RUNX1: variants seen among roughly 807,000 people sequenced by gnomAD.
RUNX1 encodes RUNX family transcription factor 1, also known as runt-related transcription factor 1.
A neutral mutation model predicts 42.8 loss-of-function variants in RUNX1; 19 were observed. That is an observed-to-expected ratio of 0.44 (90% CI 0.31 to 0.65). RUNX1 has a LOEUF of 0.65. Ranked by LOEUF, RUNX1 falls within the 30% of genes least tolerant of loss-of-function variation. The pLI, the probability that RUNX1 is intolerant of heterozygous loss-of-function variation, is 0.07. For missense variants in RUNX1, 528 were observed against 672.0 expected, an observed-to-expected ratio of 0.79 and a Z score of 2.37; for synonymous variants, 271 against 289.4, an observed-to-expected ratio of 0.94 and a Z score of 0.64.
rs764387069 is a variant in RUNX1, at chr21:34,886,894, G to C, written c.300C>G (p.Ser100=). The part of the protein sequence containing the change: ...VRTDSPNFLC[S]VLPTHWRCNK... Reference sequence around the variant, plus strand: ...TGCAGCGCCAGTGCGTAGGCAGCACGGAGCAGAGGAAGTTGGGGCTGTCGG... The same window carrying C: ...TGCAGCGCCAGTGCGTAGGCAGCACCGAGCAGAGGAAGTTGGGGCTGTCGG... The change falls in exon 4 of 9, where the codon TCC becomes TCG. Residue 100 remains serine, a synonymous_variant. Transcript: ENST00000675419. 3 of 1,613,556 alleles carry C rather than the reference G, an allele frequency of 1.9e-6. No homozygotes were observed. The highest frequency in any genetic ancestry group is 1.1e-5 in the South Asian group (1 of 91,080).
At chr21:34,813,498 G>A (rs1418492409) in intron 7 of RUNX1, among the ~76,000 whole-genome samples, 9 of 152,116 alleles carry the variant, frequency 5.9e-5, no homozygotes, top group Admixed American at 2.0e-4. Flanking sequence ...AGAATCCTGG[G>A]TGGCTGCAGT....
intron 2 of RUNX1, among the ~76,000 whole-genome samples, chr21:35,039,762 C>T (rs1170979460): frequency 6.6e-6 from 1 of 152,316 alleles, no homozygotes; most frequent in East Asian, 1.9e-4. Context: ...GTCGGCACTT[C>T]TACTTCTTTA....
intron 6 of RUNX1, among the ~76,000 whole-genome samples, chr21:34,855,166 C>T (rs1430500409): frequency 6.6e-6 from 1 of 152,100 alleles, no homozygotes; most frequent in Non-Finnish European, 1.5e-5. Flanking sequence ...TCCATACCAC[C>T]AGGACCAGCC....
At chr21:34,880,443 A>C (rs560354796) in intron 5 of RUNX1, 114 bp downstream of exon 5, 1 of 947,876 alleles carries the variant, frequency 1.1e-6, no homozygotes, top group Non-Finnish European at 1.7e-6. Context: ...AGCAATAAGA[A>C]TGTTAAGACA....
At chr21:34,860,720 A>G (rs931059025) in intron 5 of RUNX1, among the ~76,000 whole-genome samples, 5 of 152,234 alleles carry the variant, frequency 3.3e-5, no homozygotes, top group African/African-American at 1.2e-4. Flanking sequence ...GACAGATGAA[A>G]GGAAAATATT....
intron 2 of RUNX1, among the ~76,000 whole-genome samples, chr21:34,927,484 G>T (rs1234655075): frequency 6.6e-6 from 1 of 152,206 alleles, no homozygotes; most frequent in Non-Finnish European, 1.5e-5. Context: ...AGTGCCCTGG[G>T]TCAAAAACGG....
In RUNX1 at chr21:34,919,685, ATAG is replaced by A. The variant is rs1319209761; in HGVS notation, c.59-26725_59-26723del. On this transcript the variant is annotated intron_variant, in intron 2 of 8. Coordinates refer to ENST00000675419, the MANE Select transcript of RUNX1 (RefSeq NM_001754.5). Reference sequence around the variant, plus strand: ...TCTTCTTCGATTGAGTGGTCTCCTTATAGAATTGAAACAAAATTAGATTCAGGA... The same window carrying A: ...TCTTCTTCGATTGAGTGGTCTCCTTAAATTGAAACAAAATTAGATTCAGGA... Among the ~76,000 whole-genome samples the A allele has an allele frequency of 2.0e-5, 3 of 152,244 alleles. No homozygotes were observed. The East Asian group carries it at 5.8e-4, about 29-fold the overall frequency.
Position 34,918,586 on chromosome 21 carries a change from T to C in RUNX1, c.59-25623A>G, listed in dbSNP as rs372419219. On this transcript the variant is annotated intron_variant, in intron 2 of 8. Coordinates refer to ENST00000675419, the MANE Select transcript of RUNX1 (RefSeq NM_001754.5). ...GAAATCCTGAGGCCTATACTGTAAA[T>C]CTTTCACAAATTTAAAAAAGTACAT... 2.0e-5 allele frequency among the ~76,000 whole-genome samples: 3 copies of C among 152,198 alleles called. No individual in the cohort carries two copies. In the East Asian group the frequency reaches 5.8e-4, roughly 29 times the overall value.
At position 34,869,473 on chromosome 21, in the gene RUNX1, T is replaced by C. The variant is rs896019942; in HGVS notation, c.509-9895A>G. Among the ~76,000 whole-genome samples, 5 of 152,154 alleles carry C rather than the reference T, an allele frequency of 3.3e-5. No individual in the cohort carries two copies. The South Asian group carries it at 1.0e-3, about 32-fold the overall frequency. ...ATGTGTGTGTTTTCTATGTCATCAT[T>C]ACGAATCAAAGGAATATTAAATAGG... On this transcript the variant is annotated intron_variant, in intron 5 of 8. Transcript: ENST00000675419.
chr21:34,885,076 G>C (rs1003833381), intron 4 of RUNX1, among the ~76,000 whole-genome samples: 1 of 152,160 alleles, frequency 6.6e-6, no homozygotes, highest in Non-Finnish European at 1.5e-5. Flanking sequence ...TCCAATTCCT[G>C]AAGATTATTT....
intron 7 of RUNX1, among the ~76,000 whole-genome samples, chr21:34,808,679 T>G (rs867228668): frequency 6.6e-6 from 1 of 152,170 alleles, no homozygotes; most frequent in African/African-American, 2.4e-5. Context: ...AGGTGCTCTA[T>G]AAACGCAAAA....
chr21:34,919,015 A>G (rs2058334036), intron 2 of RUNX1, among the ~76,000 whole-genome samples: 1 of 152,264 alleles, frequency 6.6e-6, no homozygotes, highest in Non-Finnish European at 1.5e-5. Flanking sequence ...CTGTTGTAAT[A>G]TATCAATTCA....
intron 2 of RUNX1, among the ~76,000 whole-genome samples, chr21:34,979,877 G>A (rs990490546): frequency 1.3e-5 from 2 of 152,158 alleles, no homozygotes; most frequent in African/African-American, 4.8e-5. Flanking sequence ...GACCAAGAGT[G>A]AGGAGTGCTG....
chr21:35,047,548 C>T (rs1486159761), intron 2 of RUNX1, among the ~76,000 whole-genome samples: 1 of 124,720 alleles, frequency 8.0e-6, no homozygotes, highest in Non-Finnish European at 1.7e-5. Context: ...CACACACACA[C>T]ACACACACAC....
intron 7 of RUNX1, among the ~76,000 whole-genome samples, chr21:34,809,987 C>T (rs2056737519): frequency 6.6e-6 from 1 of 152,196 alleles, no homozygotes; most frequent in South Asian, 2.1e-4. Flanking sequence ...AGTTTGCAGC[C>T]TGGGCTTCCT....
intron 2 of RUNX1, among the ~76,000 whole-genome samples, chr21:34,960,877 A>C (rs2058677034): frequency 1.3e-5 from 2 of 152,154 alleles, no homozygotes; most frequent in South Asian, 4.1e-4. Flanking sequence ...GACAATGGGA[A>C]GATTAGGAGG....
At chr21:34,884,804 C>G (rs984003342) in intron 4 of RUNX1, among the ~76,000 whole-genome samples, 1 of 152,138 alleles carries the variant, frequency 6.6e-6, no homozygotes, top group Non-Finnish European at 1.5e-5. Flanking sequence ...TTCCTTTCCC[C>G]TAAATGTTCT....
intron 2 of RUNX1, among the ~76,000 whole-genome samples, chr21:34,978,331 C>T (rs117944178): frequency 0.011 from 1,694 of 152,222 alleles, 13 homozygotes; most frequent in Non-Finnish European, 0.017. Flanking sequence ...GCTCATTCTA[C>T]GTTAGTTTTC....
chr21:34,875,698 T>A (rs1157637860), intron 5 of RUNX1, among the ~76,000 whole-genome samples: 3 of 152,138 alleles, frequency 2.0e-5, no homozygotes, highest in Non-Finnish European at 4.4e-5. Flanking sequence ...CCTACGATAA[T>A]ACTGCGAGTC....
Sources: gnomAD v4.1 joint callset for allele counts (sites outside exome capture counted in the v4.1 genomes callset) on GRCh38, gnomAD v4.1.1 for gene constraint, MANE v1.5 for transcripts, NCBI Gene and HGNC (gene_info 2026-07-23, HGNC 2026-07-21) for gene names.